The following MUC12 variants were observed in gnomAD, a reference collection of about 807,000 sequenced individuals.
MUC12 encodes the protein mucin 12, cell surface associated.
In MUC12, 172 loss-of-function variants were observed where a neutral mutation model predicts 230.8. The observed-to-expected ratio is 0.75, with a 90% CI of 0.66 to 0.85. The LOEUF (loss-of-function observed/expected upper bound fraction) is 0.85. MUC12 is among the 40% of genes least tolerant of loss of function. The pLI is 0.00. For missense variants in MUC12, 3,506 were observed against 5,920.6 expected, an observed-to-expected ratio of 0.59 and a Z score of 13.38; for synonymous variants, 1,259 against 2,401.9, an observed-to-expected ratio of 0.52 and a Z score of 13.91.
In MUC12 at chr7:100,980,514, T is replaced by C. The variant is rs1793089863; in HGVS notation, c.68-10117T>C. On this transcript the variant is annotated intron_variant, in intron 1 of 11. Coordinates refer to ENST00000536621, the MANE Select transcript of MUC12 (RefSeq NM_001164462.2). ...CCCTATTTGTCTATTCTTGGACATG[T>C]GTACCTCTGTTTTTTACTATAATAA... Among the ~76,000 whole-genome samples, 3 of 152,264 alleles carry C rather than the reference T, an allele frequency of 2.0e-5. No individual in the cohort carries two copies. The South Asian group carries it at 6.2e-4, about 31-fold the overall frequency.
Position 101,004,807 on chromosome 7 carries a change from A to C in MUC12, c.14244A>C (p.Pro4748=). Reference sequence around the variant, plus strand: ...TCCTTTACAGTAGCTCCAGATCACCAGACCAAACACTCTCACCTGCCAGCA... The same window carrying C: ...TCCTTTACAGTAGCTCCAGATCACCCGACCAAACACTCTCACCTGCCAGCA... The part of the protein sequence containing the change: ...STILYSSSRS[P]DQTLSPASMT... Residue 4748 remains proline (P), a synonymous_variant, in exon 2 of 12, where the codon CCA becomes CCC. Coordinates refer to ENST00000536621, the MANE Select transcript of MUC12 (RefSeq NM_001164462.2). 9 of 1,537,654 alleles carry C rather than the reference A, an allele frequency of 5.9e-6. No individual in the cohort carries two copies. The highest frequency in any genetic ancestry group is 7.8e-6 in the Non-Finnish European group (9 of 1,146,974).
intron 9 of MUC12, among the ~76,000 whole-genome samples, chr7:101,014,603 G>A (rs1397521928): frequency 1.3e-5 from 2 of 151,824 alleles, no homozygotes; most frequent in East Asian, 1.9e-4. Context: ...TCAGCCTCTC[G>A]AGTAGCTGGG....
At chr7:100,971,439 GGA>G in intron 1 of MUC12, among the ~76,000 whole-genome samples, 1 of 152,306 alleles carries the variant, frequency 6.6e-6, no homozygotes, top group Non-Finnish European at 1.5e-5. Context: ...GGGGGTCTCT[GGA>G]GCCCTGCAGG....
rs1793802077 is a variant in MUC12 at position 101,009,051 on chromosome 7, C to T, written c.15187-44C>T. ...TCAAGAAGGGTAACAGGAGAGTCTTCATGCTCTAGCTTTGTGTGACCTTCG... is the reference window on the plus strand; with the variant it reads ...TCAAGAAGGGTAACAGGAGAGTCTTTATGCTCTAGCTTTGTGTGACCTTCG... On this transcript the variant is annotated intron_variant, in intron 4 of 11. Transcript: ENST00000536621. 7 of 1,530,806 alleles carry T rather than the reference C, an allele frequency of 4.6e-6. No homozygotes were observed. The East Asian group carries it at 7.3e-5, about 16-fold the overall frequency. 94.8% of individuals were successfully genotyped at this position (1,530,806 alleles called of 1,614,324 possible).
chr7:100,981,890 G>A lies in MUC12; in HGVS notation c.68-8741G>A, dbSNP rs1167467667. On this transcript the variant is annotated intron_variant, in intron 1 of 11. Coordinates refer to ENST00000536621, the MANE Select transcript of MUC12 (RefSeq NM_001164462.2). ...GCTTTTTTTTTTTTTTTTTTGAGAC[G>A]GAGTCTCACTTTATTGTCCAGACTG... Among the ~76,000 whole-genome samples the A allele has an allele frequency of 7.7e-4, 99 of 128,260 alleles. 1 individual carries two copies. Among genetic ancestry groups the A allele is most frequent in the African/African-American group, 2.6e-3 (93 of 35,878 alleles). The allele number at this position is 128,260 out of a possible 152,430, so 84.1% of individuals were successfully genotyped here. A position where few individuals can be genotyped will look rare whatever the true frequency, so the allele number is the denominator to read the frequency against.
Position 100,993,507 on chromosome 7 carries a change from T to C in MUC12, c.2944T>C (p.Ser982Pro). ...ACGCACAACACTGTCCCCTGCCAGCTCCACAAGCCCTGGACTTCAGGGAGA... is the reference window on the plus strand; with the variant it reads ...ACGCACAACACTGTCCCCTGCCAGCCCCACAAGCCCTGGACTTCAGGGAGA... ...SPRTTLSPASSTSPGLQGEST... is the reference protein window; with the variant it reads ...SPRTTLSPASPTSPGLQGEST... Residue 982 changes from serine to proline, a missense_variant, in exon 2 of 12, where the codon TCC becomes CCC. Physicochemically the swap from Ser to Pro is moderately conservative, Grantham distance 74 (BLOSUM62 -1). Transcript: ENST00000536621. 2 of 1,010,584 alleles carry C rather than the reference T, an allele frequency of 2.0e-6. 1 individual carries two copies. Among genetic ancestry groups the C allele is most frequent in the Non-Finnish European group, 2.7e-6 (2 of 751,430 alleles). The allele number at this position is 1,010,584 out of a possible 1,614,324, so 62.6% of individuals were successfully genotyped here.
rs1427462130 is a variant in MUC12 at position 101,005,343 on chromosome 7, C to G, written c.14780C>G (p.Ser4927Ter). Residue 4927 changes from serine (S) to a stop codon, truncating the protein, a stop_gained, in exon 2 of 12, where the codon TCA becomes TGA. Transcript: ENST00000536621. LOFTEE classifies it high-confidence loss of function. ...CCCTTACCTGCCCGCTCCACAGCCTCAGACCTTGTTGGAGAACCTACAACT... is the reference window on the plus strand; with the variant it reads ...CCCTTACCTGCCCGCTCCACAGCCTGAGACCTTGTTGGAGAACCTACAACT... ...TTPLPARSTA[S>*]DLVGEPTTFY... 1 of 1,537,926 alleles carries G rather than the reference C, an allele frequency of 6.5e-7. No homozygotes were observed. Among genetic ancestry groups the G allele is most frequent in the Non-Finnish European group, 8.7e-7 (1 of 1,147,060 alleles).
intron 1 of MUC12, among the ~76,000 whole-genome samples, chr7:100,983,407 G>A (rs1362549663): frequency 1.3e-5 from 2 of 149,928 alleles, no homozygotes; most frequent in African/African-American, 4.9e-5. Context: ...GCAACAGAGC[G>A]AGACTCCGTT....
At chr7:100,975,583 C>G (rs1259415247) in intron 1 of MUC12, among the ~76,000 whole-genome samples, 12 of 152,250 alleles carry the variant, frequency 7.9e-5, no homozygotes, top group African/African-American at 2.7e-4. Flanking sequence ...GGTGAATAAA[C>G]AGTTTATAGT....
At chr7:100,988,186 T>C (rs1288953596) in intron 1 of MUC12, among the ~76,000 whole-genome samples, 1 of 145,098 alleles carries the variant, frequency 6.9e-6, no homozygotes, top group Non-Finnish European at 1.5e-5. Flanking sequence ...TAATCCCAGC[T>C]ACTCAGGAGG....
chr7:100,972,104 C>T, intron 1 of MUC12: 1 of 703,350 alleles, frequency 1.4e-6, no homozygotes, highest in South Asian at 1.5e-5. Context: ...AGACCCCCTG[C>T]CCTCCTCTTG....
chr7:100,971,211 T>C (rs1417119187), intron 1 of MUC12, among the ~76,000 whole-genome samples: 2 of 151,206 alleles, frequency 1.3e-5, no homozygotes, highest in Non-Finnish European at 2.9e-5. Context: ...GCTGAGGGGC[T>C]GTAGGAGGAG....
At chr7:101,014,235 C>T (rs772390910) in intron 9 of MUC12, 161 bp downstream of exon 9, 43 of 727,618 alleles carry the variant, frequency 5.9e-5, no homozygotes, top group Non-Finnish European at 8.6e-5. Flanking sequence ...CTGGGTGCAG[C>T]AAAGGGCGGC....
At chr7:100,975,659 G>GGACCTTAGGGCTGGAGGGGCACAGAGA in intron 1 of MUC12, among the ~76,000 whole-genome samples, 1 of 152,310 alleles carries the variant, frequency 6.6e-6, no homozygotes, top group Non-Finnish European at 1.5e-5. Flanking sequence ...GCTACGAGAG[G>GGACCTTAGGGCTGGAGGGGCACAGAGA]GGGCCTCCGG....
At chr7:100,989,400 C>T (rs1044827410) in intron 1 of MUC12, among the ~76,000 whole-genome samples, 3 of 152,140 alleles carry the variant, frequency 2.0e-5, no homozygotes, top group African/African-American at 7.2e-5. Flanking sequence ...AGCCACCACA[C>T]CTGGCCTTGG....
intron 1 of MUC12, among the ~76,000 whole-genome samples, chr7:100,979,855 C>T (rs1446623319): frequency 6.6e-6 from 1 of 151,934 alleles, no homozygotes; most frequent in African/African-American, 2.4e-5. Context: ...TATATATTCA[C>T]ACACATTTAT....
At chr7:100,974,056 A>T (rs1792969444) in intron 1 of MUC12, among the ~76,000 whole-genome samples, 1 of 151,802 alleles carries the variant, frequency 6.6e-6, no homozygotes, top group African/African-American at 2.4e-5. Flanking sequence ...GGCTGAGGGG[A>T]GAGGATCTCT....
At chr7:100,970,082 G>A (rs1481941022) in intron 1 of MUC12, among the ~76,000 whole-genome samples, 1 of 152,310 alleles carries the variant, frequency 6.6e-6, no homozygotes, top group African/African-American at 2.4e-5. Context: ...CGGAGGCACT[G>A]CACATGCTGC....
At chr7:100,971,416 G>A (rs1792892044) in intron 1 of MUC12, among the ~76,000 whole-genome samples, 1 of 152,050 alleles carries the variant, frequency 6.6e-6, no homozygotes, top group Admixed American at 6.5e-5. Context: ...TGAGGGGGCA[G>A]GGGAGCTGGG....
Sources: allele counts gnomAD v4.1 joint callset (sites outside exome capture counted in the v4.1 genomes callset), GRCh38; gene constraint gnomAD v4.1.1; transcripts MANE v1.5; gene names NCBI Gene and HGNC (gene_info 2026-07-23, HGNC 2026-07-21).